SDK1: variants seen among roughly 807,000 people sequenced by gnomAD.
SDK1 encodes the protein protein sidekick-1.
A neutral mutation model predicts 245.5 loss-of-function variants in SDK1; 157 were observed. That is an observed-to-expected ratio of 0.64 (90% confidence interval 0.56 to 0.73). The LOEUF is 0.73. Among genes scored for constraint, SDK1 ranks in the 30% least tolerant of loss-of-function variants. The pLI is 0.00. For synonymous variants in SDK1, 1,647 were observed against 1,278.5 expected (o/e 1.29, Z -6.15); for missense variants, 3,583 against 3,002.3 (o/e 1.19, Z -4.52).
chr7:3,430,718 G>C (rs1280294251), intron 1 of SDK1, among the ~76,000 whole-genome samples: 3 of 152,190 alleles, frequency 2.0e-5, no homozygotes, highest in Admixed American at 2.0e-4. Flanking sequence ...TCCGTGGCTT[G>C]TTAGGAATCT....
At chr7:3,841,532 A>G (rs1780157953) in intron 5 of SDK1, among the ~76,000 whole-genome samples, 1 of 151,648 alleles carries the variant, frequency 6.6e-6, no homozygotes, top group Admixed American at 6.6e-5. Context: ...AGAACTGCCC[A>G]CCTTAGGTCA....
intron 5 of SDK1, among the ~76,000 whole-genome samples, chr7:3,876,739 C>T (rs1432509452): frequency 2.0e-5 from 3 of 152,092 alleles, no homozygotes; most frequent in South Asian, 4.1e-4. Context: ...GACACAGTGG[C>T]ACTTTTAATC....
intron 14 of SDK1, among the ~76,000 whole-genome samples, chr7:3,990,328 C>T (rs1424049910): frequency 2.6e-5 from 4 of 152,202 alleles, no homozygotes; most frequent in South Asian, 2.1e-4. Context: ...TCTTCCCCTG[C>T]GGGGGGCCTC....
At position 3,958,876 on chromosome 7, in the gene SDK1, T is replaced by C. The variant is rs375432466; in HGVS notation, c.1151-55T>C. ...GCCCACACTATCTTAGGTTATATGG[T>C]CTCTGACATATCCTTCTTTGGCTTA... On this transcript the variant is annotated intron_variant, in intron 7 of 44. Transcript: ENST00000404826. The C allele has an allele frequency of 2.2e-6, 3 of 1,361,120 alleles. No individual in the cohort carries two copies. The African/African-American group carries it at 4.3e-5, about 20-fold the overall frequency. The allele number at this position is 1,361,120 out of a possible 1,614,324, so 84.3% of individuals were successfully genotyped here.
At chr7:3,498,027 A>G (rs1211155134) in intron 1 of SDK1, among the ~76,000 whole-genome samples, 1 of 152,250 alleles carries the variant, frequency 6.6e-6, no homozygotes, top group Non-Finnish European at 1.5e-5. Context: ...ATCGATTATA[A>G]TTGATTTAAA....
intron 4 of SDK1, among the ~76,000 whole-genome samples, chr7:3,753,015 T>C (rs1779817867): frequency 6.6e-6 from 1 of 152,338 alleles, no homozygotes; most frequent in African/African-American, 2.4e-5. Context: ...GTAGCCCACG[T>C]TGATACTACT....
At chr7:3,586,579 C>T (rs1339509871) in intron 1 of SDK1, among the ~76,000 whole-genome samples, 1 of 150,968 alleles carries the variant, frequency 6.6e-6, no homozygotes, top group African/African-American at 2.4e-5. Flanking sequence ...GTGGCGGGCG[C>T]CTGTAGTCCT....
chr7:3,406,421 G>A (rs1240981857), intron 1 of SDK1, among the ~76,000 whole-genome samples: 1 of 152,128 alleles, frequency 6.6e-6, no homozygotes, highest in African/African-American at 2.4e-5. Flanking sequence ...TCCTCCCTGG[G>A]TTATTTTTTT....
At chr7:4,174,547 G>T (rs1782064198) in intron 33 of SDK1, among the ~76,000 whole-genome samples, 190 bp downstream of exon 33, 1 of 152,188 alleles carries the variant, frequency 6.6e-6, no homozygotes, top group South Asian at 2.1e-4. Flanking sequence ...GCGGCAGGTG[G>T]GTGCAGCTGC....
intron 28 of SDK1, among the ~76,000 whole-genome samples, chr7:4,133,802 G>C (rs995725490): frequency 6.6e-6 from 1 of 152,154 alleles, no homozygotes; most frequent in African/African-American, 2.4e-5. Flanking sequence ...CCCCAGGTTA[G>C]CTCTCGGGAT....
intron 20 of SDK1, among the ~76,000 whole-genome samples, chr7:4,069,460 G>T (rs1020112300): frequency 6.6e-6 from 1 of 152,336 alleles, no homozygotes; most frequent in Non-Finnish European, 1.5e-5. Flanking sequence ...TTCTGCAGCC[G>T]CACCCCAAGG....
intron 9 of SDK1, among the ~76,000 whole-genome samples, chr7:3,964,699 T>C (rs1781965390): frequency 6.6e-6 from 1 of 152,142 alleles, no homozygotes; most frequent in Admixed American, 6.5e-5. Context: ...ACCTTTTGTG[T>C]TTGCCCTTTC....
At chr7:3,746,751 C>T (rs566093763) in intron 4 of SDK1, among the ~76,000 whole-genome samples, 3 of 152,190 alleles carry the variant, frequency 2.0e-5, no homozygotes, top group East Asian at 1.9e-4. Flanking sequence ...GTTCTCTTGC[C>T]GTTTCTACCA....
At chr7:3,575,223 T>C (rs1298517738) in intron 1 of SDK1, among the ~76,000 whole-genome samples, 1 of 152,060 alleles carries the variant, frequency 6.6e-6, no homozygotes, top group Non-Finnish European at 1.5e-5. Context: ...GGCTGCCTTC[T>C]TTCTGTGTCC....
At chr7:4,023,795 C>G (rs1787121326) in intron 17 of SDK1, among the ~76,000 whole-genome samples, 1 of 152,122 alleles carries the variant, frequency 6.6e-6, no homozygotes, top group East Asian at 1.9e-4. Context: ...AGAAATTGTT[C>G]AAATAATGAT....
chr7:3,960,893 G>T (rs890882800), intron 8 of SDK1, among the ~76,000 whole-genome samples: 13 of 152,174 alleles, frequency 8.5e-5, no homozygotes, highest in African/African-American at 3.1e-4. Context: ...TATTTAGCGA[G>T]CTTATATTTC....
At chr7:3,626,272 C>T (rs919044157) in intron 2 of SDK1, among the ~76,000 whole-genome samples, 2 of 152,104 alleles carry the variant, frequency 1.3e-5, no homozygotes, top group African/African-American at 4.8e-5. Context: ...AGTAAGAGGA[C>T]AAAATTGAGT....
intron 1 of SDK1, among the ~76,000 whole-genome samples, chr7:3,478,948 ATG>A (rs1014533222): frequency 2.0e-5 from 3 of 152,142 alleles, no homozygotes; most frequent in African/African-American, 7.2e-5. Flanking sequence ...TTATTTAGAA[ATG>A]TGTTTTTATG....
chr7:4,100,152 C>T (rs1029687148), intron 22 of SDK1, among the ~76,000 whole-genome samples: 4 of 152,198 alleles, frequency 2.6e-5, no homozygotes, highest in African/African-American at 7.2e-5. Context: ...AATCACCCAA[C>T]ATGTGGCACA....
Sources: gnomAD v4.1 joint callset for allele counts (sites outside exome capture counted in the v4.1 genomes callset) on GRCh38, gnomAD v4.1.1 for gene constraint, MANE v1.5 for transcripts, NCBI Gene and HGNC (gene_info 2026-07-23, HGNC 2026-07-21) for gene names.